Variants in GPC1 observed in about 807,000 individuals in gnomAD.
GPC1 encodes the protein glypican 1.
In GPC1, 26 loss-of-function variants were observed where a neutral mutation model predicts 51.5. The observed-to-expected ratio is 0.50, with a 90% CI of 0.37 to 0.70. The LOEUF is 0.70. GPC1 is among the 30% of genes least tolerant of loss of function. The pLI is 0.00. For synonymous variants in GPC1, 380 were observed against 348.3 expected (o/e 1.09, Z -1.01); for missense variants, 775 against 800.5 (o/e 0.97, Z 0.38).
Position 240,463,566 on chromosome 2 carries a change from G to A in GPC1, c.883+54G>A, listed in dbSNP as rs183254784. On this transcript the variant is annotated intron_variant, in intron 4 of 8. Transcript: ENST00000264039. Reference sequence around the variant, plus strand: ...GAACTGTCTTGGGGAGTGCACGACTGGGGGTCCTGGGGGGCGGGTGGTCCC... The same window carrying A: ...GAACTGTCTTGGGGAGTGCACGACTAGGGGTCCTGGGGGGCGGGTGGTCCC... 4.1e-6 allele frequency: 6 copies of A among 1,480,444 alleles called. No individual in the cohort carries two copies. In the Admixed American group the frequency reaches 7.0e-5, roughly 17 times the overall value. The allele number at this position is 1,480,444 out of a possible 1,614,324, so 91.7% of individuals were successfully genotyped here.
chr2:240,456,186 AG>A, intron 1 of GPC1: 1 of 258,046 alleles, frequency 3.9e-6, no homozygotes. Context: ...CGCGGCCGTG[AG>A]GGGGTGTGAG....
At position 240,465,087 on chromosome 2, in the gene GPC1, C is replaced by A; in HGVS notation, c.1145C>A (p.Ala382Asp). 6.2e-7 allele frequency: 1 copy of A among 1,607,340 alleles called. No individual in the cohort carries two copies. Among genetic ancestry groups the A allele is most frequent in the South Asian group, 1.1e-5 (1 of 89,964 alleles). The change falls in exon 7 of 9, where the codon GCC becomes GAC. Residue 382 changes from alanine (A) to aspartate (D), a missense_variant. Coordinates refer to ENST00000264039, the MANE Select transcript of GPC1 (RefSeq NM_002081.3). ...SGTLEKLVSEAKAQLRDVQDF... is the reference protein window; with the variant it reads ...SGTLEKLVSEDKAQLRDVQDF... ...ACTGCTGCCCCACAGGTCTCCGAAG[C>A]CAAGGCCCAGCTCCGCGACGTCCAG... is the stretch of plus-strand genomic sequence containing the variant.
chr2:240,441,459 G>A (rs1413462280), intron 1 of GPC1, among the ~76,000 whole-genome samples: 1 of 152,250 alleles, frequency 6.6e-6, no homozygotes, highest in Non-Finnish European at 1.5e-5. Context: ...AGTTATTTCA[G>A]ATCAAGACTG....
At chr2:240,456,443 C>T (rs1010755116) in intron 1 of GPC1, among the ~76,000 whole-genome samples, 10 of 152,162 alleles carry the variant, frequency 6.6e-5, no homozygotes, top group Admixed American at 3.3e-4. Context: ...TGGACCAGCT[C>T]ACTCGGTTCC....
intron 2 of GPC1, among the ~76,000 whole-genome samples, chr2:240,459,900 G>A (rs1459617814): frequency 2.0e-5 from 3 of 152,158 alleles, no homozygotes; most frequent in Non-Finnish European, 4.4e-5. Context: ...GGTGGAGGGA[G>A]GCGGCCCGGG....
At chr2:240,449,801 C>T (rs764923497) in intron 1 of GPC1, 52 of 467,090 alleles carry the variant, frequency 1.1e-4, no homozygotes, top group African/African-American at 8.0e-4. Context: ...CGAGTCTTGC[C>T]GTATCTGTCC....
Position 240,448,477 on chromosome 2 carries a change from T to C in GPC1, c.167-10553T>C, listed in dbSNP as rs2074068142. 7.3e-6 allele frequency among the ~76,000 whole-genome samples: 1 copy of C among 137,548 alleles called. No individual in the cohort carries two copies. The highest frequency in any genetic ancestry group is 1.7e-5 in the Non-Finnish European group (1 of 59,938). The allele number at this position is 137,548 out of a possible 152,430, so 90.2% of individuals were successfully genotyped here. A position where few individuals can be genotyped will look rare whatever the true frequency, so the allele number is the denominator to read the frequency against. On this transcript the variant is annotated intron_variant, in intron 1 of 8. Coordinates refer to ENST00000264039, the MANE Select transcript of GPC1 (RefSeq NM_002081.3). This position sits in a 1 kb window ranked among gnomAD's most constrained non-coding sequence, Gnocchi z 4.5. The stretch of plus-strand genomic sequence containing the variant: ...AAGTCTGGGTGTAGACGGGGTGGAG[T>C]CAGGACTCCAGGTGCCTGGGGGTGG...
intron 1 of GPC1, among the ~76,000 whole-genome samples, chr2:240,441,638 G>C (rs1312748476): frequency 4.6e-5 from 7 of 152,234 alleles, no homozygotes; most frequent in African/African-American, 1.4e-4. Context: ...GGGGGCTCCA[G>C]ACAGGAGCCG....
chr2:240,462,926 G>T (rs1263192111), intron 3 of GPC1, among the ~76,000 whole-genome samples: 2 of 152,196 alleles, frequency 1.3e-5, no homozygotes, highest in Non-Finnish European at 2.9e-5. Context: ...AACATGCGTG[G>T]GGGCCGGGCA....
At chr2:240,450,755 C>T (rs1327443172) in intron 1 of GPC1, 3 of 469,886 alleles carry the variant, frequency 6.4e-6, no homozygotes, top group Admixed American at 2.4e-5. Flanking sequence ...GGCAGATTCC[C>T]CCCGACATCA....
At chr2:240,465,399 G>C (rs2151797441) in intron 7 of GPC1, 74 bp from the exon 8 acceptor site, 1 of 1,460,314 alleles carries the variant, frequency 6.8e-7, no homozygotes, top group Non-Finnish European at 9.5e-7. Context: ...GAGCGTGGGA[G>C]AGTGTCCTGC....
Position 240,459,169 on chromosome 2 carries a change from CCAGCTGCG to C in GPC1, c.312_319del (p.Ser106Ter). 2 of 1,612,234 alleles carry C rather than the reference CCAGCTGCG, an allele frequency of 1.2e-6. No individual in the cohort carries two copies. The highest frequency in any genetic ancestry group is 1.7e-6 in the Non-Finnish European group (2 of 1,179,716). On this transcript the variant is annotated frameshift_variant, in exon 2 of 9. Coordinates refer to ENST00000264039, the MANE Select transcript of GPC1 (RefSeq NM_002081.3). LOFTEE classifies it high-confidence loss of function. ...GCGTCCTGCAGGCCATGCTTGCCAC[CCAGCTGCG>C]CAGCTTCGATGGTGAGTGCCTCCCA...
At chr2:240,457,991 G>C (rs1316219615) in intron 1 of GPC1, 2 of 466,682 alleles carry the variant, frequency 4.3e-6, no homozygotes, top group Non-Finnish European at 8.9e-6. Flanking sequence ...CCAGCACCAG[G>C]AGGGCCTTAG....
chr2:240,466,304 C>G lies in GPC1; in HGVS notation c.*14C>G. On this transcript the variant is annotated 3_prime_UTR_variant, in exon 9 of 9. Coordinates refer to ENST00000264039, the MANE Select transcript of GPC1 (RefSeq NM_002081.3). Reference sequence around the variant, plus strand: ...CGGTGGCGGTAACTGCCCCAAGGCCCCAGGGACAGAGGCCAAGGACTGACT... The same window carrying G: ...CGGTGGCGGTAACTGCCCCAAGGCCGCAGGGACAGAGGCCAAGGACTGACT... 7.1e-7 allele frequency: 1 copy of G among 1,411,052 alleles called. No individual in the cohort carries two copies. Among genetic ancestry groups the G allele is most frequent in the African/African-American group, 1.4e-5 (1 of 71,264 alleles). 87.4% of individuals were successfully genotyped at this position (1,411,052 alleles called of 1,614,324 possible).
At chr2:240,454,910 C>T in intron 1 of GPC1, 1 of 211,940 alleles carries the variant, frequency 4.7e-6, no homozygotes, top group Non-Finnish European at 1.1e-5. Context: ...ATGGGGGCCA[C>T]TGTCAGGATG....
chr2:240,459,161 C>G lies in GPC1; in HGVS notation c.298C>G (p.Leu100Val). 6.2e-7 allele frequency: 1 copy of G among 1,612,408 alleles called. No homozygotes were observed. The highest frequency in any genetic ancestry group is 8.5e-7 in the Non-Finnish European group (1 of 1,179,794). ...CAGCAGCCGCGTCCTGCAGGCCATG[C>G]TTGCCACCCAGCTGCGCAGCTTCGA... Reference protein sequence around the residue: ...RDSSRVLQAMLATQLRSFDDH... With the variant: ...RDSSRVLQAMVATQLRSFDDH... Residue 100 changes from leucine to valine, a missense_variant, in exon 2 of 9, where the codon CTT (leucine) becomes GTT (valine). Coordinates refer to ENST00000264039, the MANE Select transcript of GPC1 (RefSeq NM_002081.3).
At chr2:240,463,276 T>C (rs2074232369) in intron 3 of GPC1, 71 bp from the exon 4 acceptor site, 1 of 1,389,112 alleles carries the variant, frequency 7.2e-7, no homozygotes, top group African/African-American at 1.4e-5. Context: ...CCCTGGGGCT[T>C]CGTTAGGGGC....
At chr2:240,447,958 G>A (rs1043889602) in intron 1 of GPC1, among the ~76,000 whole-genome samples, 1 of 152,062 alleles carries the variant, frequency 6.6e-6, no homozygotes. Context: ...CAGTGTCGGC[G>A]CTCCCATTCG....
In GPC1 at chr2:240,448,423, CAGTCCGGGTGTAGATAGTCCCTGCCAGGA is replaced by C. The variant is rs2074067518; in HGVS notation, c.167-10602_167-10574del. The stretch of plus-strand genomic sequence containing the variant: ...CCAGGTGTAGACAGTCCCTGCCAGG[CAGTCCGGGTGTAGATAGTCCCTGCCAGGA>C]AGTCTGGGTGTAGACGGGGTGGAGT... On this transcript the variant is annotated intron_variant, in intron 1 of 8. Transcript: ENST00000264039. The surrounding 1 kb of genome is among the most constrained non-coding windows in gnomAD (Gnocchi z 4.5). 6.6e-6 allele frequency among the ~76,000 whole-genome samples: 1 copy of C among 152,024 alleles called. No homozygotes were observed. Among genetic ancestry groups the C allele is most frequent in the East Asian group, 1.9e-4 (1 of 5,188 alleles).
Sources: allele counts gnomAD v4.1 joint callset (sites outside exome capture counted in the v4.1 genomes callset), GRCh38; gene constraint gnomAD v4.1.1; non-coding constraint Gnocchi (gnomAD v3.1); transcripts MANE v1.5; gene names NCBI Gene and HGNC (gene_info 2026-07-23, HGNC 2026-07-21).